The following TRPM4 variants were observed in gnomAD, a reference collection of about 807,000 sequenced individuals.
TRPM4 encodes calcium-activated non-selective cation channel 1.
Under a neutral mutation model 135.6 loss-of-function variants are expected in TRPM4, and 124 were observed. That is an observed-to-expected ratio of 0.91 (90% confidence interval 0.79 to 1.06). The LOEUF is 1.06. Among genes scored for constraint, TRPM4 ranks in the 50% least tolerant of loss-of-function variants. The pLI is 0.00. For missense variants in TRPM4, 1,658 were observed against 1,671.4 expected, an observed-to-expected ratio of 0.99 and a Z score of 0.14; for synonymous variants, 745 against 705.6, an observed-to-expected ratio of 1.06 and a Z score of -0.88.
chr19:49,195,784 A>C (rs993980933), intron 16 of TRPM4, among the ~76,000 whole-genome samples: 4 of 151,142 alleles, frequency 2.6e-5, no homozygotes, highest in Non-Finnish European at 4.4e-5. Flanking sequence ...CCTGTACTCA[A>C]GTGATCCTCC....
chr19:49,199,762 G>T (rs1241091931), intron 17 of TRPM4, among the ~76,000 whole-genome samples: 1 of 152,074 alleles, frequency 6.6e-6, no homozygotes, highest in East Asian at 1.9e-4. Flanking sequence ...GCCTCCCAAA[G>T]TGCTGGGATT....
In TRPM4 at chr19:49,171,554, A is replaced by G. The variant is rs747295565; in HGVS notation, c.859-24A>G. 4 of 1,613,916 alleles carry G rather than the reference A, an allele frequency of 2.5e-6. No individual in the cohort carries two copies. Among genetic ancestry groups the G allele is most frequent in the Non-Finnish European group, 3.4e-6 (4 of 1,179,956 alleles). The stretch of plus-strand genomic sequence containing the variant: ...TATCCTGCCTTTTCTGACGTGATGA[A>G]TAAAGAATGCCTTTATCCTGTAGCG... On this transcript the variant is annotated intron_variant, in intron 7 of 24. Coordinates refer to ENST00000252826, the MANE Select transcript of TRPM4 (RefSeq NM_017636.4). The surrounding 1 kb of genome is among the most constrained non-coding windows in gnomAD (Gnocchi z 4.7).
At chr19:49,204,379 T>C (rs1181828039) in intron 20 of TRPM4, among the ~76,000 whole-genome samples, 1 of 152,140 alleles carries the variant, frequency 6.6e-6, no homozygotes, top group African/African-American at 2.4e-5. Context: ...TCACCAGCAG[T>C]GTATGAGGGT....
chr19:49,183,919 G>A lies in TRPM4; in HGVS notation c.1743+707G>A, dbSNP rs188513895. On this transcript the variant is annotated intron_variant, in intron 12 of 24. Transcript: ENST00000252826. ...CTCCCGAGTAGCTGGGACTACAGGC[G>A]CCCGCCACCACGCCCAGCTAATTTT... Among the ~76,000 whole-genome samples, 9 of 151,430 alleles carry A rather than the reference G, an allele frequency of 5.9e-5. No individual in the cohort carries two copies. The South Asian group carries it at 8.4e-4, about 14-fold the overall frequency.
At position 49,202,158 on chromosome 19, in the gene TRPM4, C is replaced by G. The variant is rs201977777; in HGVS notation, c.3131+17C>G. 2.9e-5 allele frequency: 47 copies of G among 1,613,562 alleles called. No individual in the cohort carries two copies. Among genetic ancestry groups the G allele is most frequent in the Non-Finnish European group, 3.8e-5 (45 of 1,179,880 alleles). ...CATGTTCAGGTGAGGCCTGACTGCT[C>G]TCTGATCTGACCCCACCCAGCATGA... On this transcript the variant is annotated intron_variant, in intron 20 of 24. Coordinates refer to ENST00000252826, the MANE Select transcript of TRPM4 (RefSeq NM_017636.4).
chr19:49,209,321 C>T lies in TRPM4; in HGVS notation c.3132-888C>T, dbSNP rs148479919. 6.5e-4 allele frequency among the ~76,000 whole-genome samples: 99 copies of T among 152,224 alleles called. No individual in the cohort carries two copies. In the East Asian group the frequency reaches 0.018, roughly 27 times the overall value. On this transcript the variant is annotated intron_variant, in intron 20 of 24. Transcript: ENST00000252826. ...GTTCTCTCCTTTTCAATCTTTTGGA[C>T]GAATTTGAGAAACATCCTTGTTATT...
intron 12 of TRPM4, among the ~76,000 whole-genome samples, chr19:49,188,378 T>C (rs1968275796): frequency 6.6e-6 from 1 of 152,240 alleles, no homozygotes; most frequent in Non-Finnish European, 1.5e-5. Context: ...CAACTGCTTC[T>C]TGACCTGTCT....
Position 49,182,655 on chromosome 19 carries a change from C to G in TRPM4, c.1341C>G (p.His447Gln). The stretch of plus-strand genomic sequence containing the variant: ...AGTTCGTGCGCTTGCTCATTTCCCA[C>G]GGCCTCAGCCTGGGCCACTTCCTGA... ...RPEFVRLLISHGLSLGHFLTP... is the reference protein window; with the variant it reads ...RPEFVRLLISQGLSLGHFLTP... The change falls in exon 11 of 25, where the codon CAC becomes CAG. Residue 447 changes from histidine (H) to glutamine (Q), a missense_variant. His to Gln is a conservative substitution (Grantham distance 24). Around this residue, in one of 3 missense-constraint regions of TRPM4, gnomAD observed 1,412 missense variants for 1,408.7 expected, o/e 1.00. Transcript: ENST00000252826. 6.2e-7 allele frequency: 1 copy of G among 1,614,226 alleles called. No homozygotes were observed. The highest frequency in any genetic ancestry group is 8.5e-7 in the Non-Finnish European group (1 of 1,180,048).
rs1967446672 is a variant in TRPM4 at position 49,171,379 on chromosome 19, C to G, written c.819C>G (p.Val273=). The G allele has an allele frequency of 1.2e-6, 2 of 1,614,084 alleles. No individual in the cohort carries two copies. Among genetic ancestry groups the G allele is most frequent in the Non-Finnish European group, 1.7e-6 (2 of 1,180,026 alleles). The change falls in exon 7 of 25, where the codon GTC becomes GTG. Residue 273 remains valine, a synonymous_variant. Transcript: ENST00000252826. The surrounding 1 kb of genome is among the most constrained non-coding windows in gnomAD (Gnocchi z 4.7). ...GVGGTGIDIP[V]LLLLIDGDEK... is the part of the protein sequence containing the mutation. ...CAGGGACTGGAATTGACATCCCTGTCCTGCTCCTCCTGATTGATGGTGATG... is the reference window on the plus strand; with the variant it reads ...CAGGGACTGGAATTGACATCCCTGTGCTGCTCCTCCTGATTGATGGTGATG...
intron 12 of TRPM4, among the ~76,000 whole-genome samples, chr19:49,185,539 T>C (rs554320407): frequency 6.0e-5 from 9 of 150,126 alleles, no homozygotes; most frequent in Admixed American, 2.0e-4. Flanking sequence ...CCATGCCTGG[T>C]CTCTATTAAT....
At chr19:49,179,811 C>G (rs576416836) in intron 9 of TRPM4, among the ~76,000 whole-genome samples, 8 of 152,332 alleles carry the variant, frequency 5.3e-5, no homozygotes, top group African/African-American at 1.9e-4. Flanking sequence ...AGACATGTTA[C>G]TGCCTTTCTG....
intron 2 of TRPM4, among the ~76,000 whole-genome samples, chr19:49,161,552 C>T (rs908298338): frequency 2.6e-5 from 4 of 151,420 alleles, no homozygotes; most frequent in Non-Finnish European, 4.4e-5. Flanking sequence ...GTATCCAACT[C>T]CTGGACTCAA....
intron 12 of TRPM4, among the ~76,000 whole-genome samples, chr19:49,186,278 C>T (rs544199788): frequency 1.1e-4 from 17 of 152,328 alleles, no homozygotes; most frequent in African/African-American, 4.1e-4. Flanking sequence ...TCTTTCAATA[C>T]TTAGCCAAGC....
intron 20 of TRPM4, among the ~76,000 whole-genome samples, chr19:49,208,984 G>T (rs1969252068): frequency 6.6e-6 from 1 of 151,512 alleles, no homozygotes; most frequent in Admixed American, 6.6e-5. Context: ...ATCGTGAAGT[G>T]TTGTTGAATT....
intron 17 of TRPM4, among the ~76,000 whole-genome samples, chr19:49,198,875 A>C (rs1312546268): frequency 6.6e-6 from 1 of 152,084 alleles, no homozygotes; most frequent in Non-Finnish European, 1.5e-5. Context: ...CTGGGATTAC[A>C]GGCGTGAGCT....
chr19:49,201,012 CT>C (rs936001570), intron 19 of TRPM4, among the ~76,000 whole-genome samples: 2 of 134,688 alleles, frequency 1.5e-5, no homozygotes. Context: ...TTTTTTTTTT[CT>C]TTTTTTTTGA....
intron 20 of TRPM4, among the ~76,000 whole-genome samples, chr19:49,203,015 T>C (rs998707299): frequency 4.0e-5 from 6 of 150,714 alleles, no homozygotes; most frequent in African/African-American, 1.5e-4. Flanking sequence ...CTCAGCCTCC[T>C]GAGTAGCTGG....
At chr19:49,167,089 C>CCT (rs545725802) in intron 3 of TRPM4, among the ~76,000 whole-genome samples, 9 of 139,884 alleles carry the variant, frequency 6.4e-5, no homozygotes, top group African/African-American at 2.4e-4. Context: ...GGTCTCTGTC[C>CCT]CTCTCTCTCT....
rs67748057 is a variant in TRPM4 at position 49,184,452 on chromosome 19, C to CTTTTTTTTTTT, written c.1743+1256_1743+1266dup. 6.6e-5 allele frequency among the ~76,000 whole-genome samples: 3 copies of CTTTTTTTTTTT among 45,506 alleles called. 1 individual carries two copies. Among genetic ancestry groups the CTTTTTTTTTTT allele is most frequent in the African/African-American group, 3.2e-4 (3 of 9,518 alleles). 29.9% of individuals were successfully genotyped at this position (45,506 alleles called of 152,430 possible). A position where few individuals can be genotyped will look rare whatever the true frequency, so the allele number is the denominator to read the frequency against. On this transcript the variant is annotated intron_variant, in intron 12 of 24. Coordinates refer to ENST00000252826, the MANE Select transcript of TRPM4 (RefSeq NM_017636.4). ...TTTGGTTCATTTCTGTCTCTGTAGT[C>CTTTTTTTTTTT]TTTTTTTTTTTTTTTTTTTTTTTTT...
Sources: gnomAD v4.1 joint callset for allele counts (sites outside exome capture counted in the v4.1 genomes callset) on GRCh38, gnomAD v4.1.1 for gene constraint, gnomAD v4.1.1 regional missense constraint, Gnocchi (gnomAD v3.1) non-coding constraint, MANE v1.5 for transcripts, NCBI Gene and HGNC (gene_info 2026-07-23, HGNC 2026-07-21) for gene names.